LPP: variants seen among roughly 807,000 people sequenced by gnomAD.
LPP encodes the protein lipoma-preferred partner.
Under a neutral mutation model 60.4 loss-of-function variants are expected in LPP, and 38 were observed. The ratio of observed to expected loss-of-function variants is 0.63; its 90% CI spans 0.49 to 0.83. The LOEUF (loss-of-function observed/expected upper bound fraction) is 0.83, where lower values mean the gene tolerates loss of function less well. LPP is among the 40% of genes least tolerant of loss of function. The pLI is 0.00. For synonymous variants in LPP, 328 were observed against 290.8 expected, an observed-to-expected ratio of 1.13 and a Z score of -1.30; for missense variants, 902 against 783.6, an observed-to-expected ratio of 1.15 and a Z score of -1.80.
Position 188,264,749 on chromosome 3 carries a change from G to A in LPP, c.-67+39222G>A, listed in dbSNP as rs138966249. On this transcript the variant is annotated intron_variant, in intron 2 of 11. Transcript: ENST00000617246. Reference sequence around the variant, plus strand: ...CCTGGTCACTTCCCCACCCCTGTTCGCCACCCCCAAACACCTTTTTTCTTC... The same window carrying A: ...CCTGGTCACTTCCCCACCCCTGTTCACCACCCCCAAACACCTTTTTTCTTC... Among the ~76,000 whole-genome samples, 312 of 151,860 alleles carry A rather than the reference G, an allele frequency of 2.1e-3. 4 individuals carry two copies. The East Asian group carries it at 0.043, about 21-fold the overall frequency.
At chr3:188,520,103 T>C (rs6770605) in intron 5 of LPP, among the ~76,000 whole-genome samples, 100,232 of 152,012 alleles carry the variant, frequency 0.66, 36,005 homozygotes, top group East Asian at 0.82. Context: ...GCAGCACTTA[T>C]TATGATTTGT....
Position 188,878,171 on chromosome 3 carries a change from C to T in LPP, c.*3692C>T, listed in dbSNP as rs1337863560. 1.8e-5 allele frequency: 4 copies of T among 218,392 alleles called. No homozygotes were observed. The highest frequency in any genetic ancestry group is 2.8e-5 in the Non-Finnish European group (3 of 108,606). The allele number at this position is 218,392 out of a possible 1,614,324, so 13.5% of individuals were successfully genotyped here. A position where few individuals can be genotyped will look rare whatever the true frequency, so the allele number is the denominator to read the frequency against. On this transcript the variant is annotated 3_prime_UTR_variant, in exon 12 of 12. Transcript: ENST00000617246. ...TTAGTAAAAATCCTATTAATGTGAA[C>T]CAGCCAGGAATAACAGTGTTATTTC... is the stretch of plus-strand genomic sequence containing the variant.
intron 9 of LPP, among the ~76,000 whole-genome samples, chr3:188,825,156 T>C (rs1755045547): frequency 6.6e-6 from 1 of 152,164 alleles, no homozygotes; most frequent in Non-Finnish European, 1.5e-5. Flanking sequence ...CATCAATGAT[T>C]GTTTTTAAAT....
intron 1 of LPP, among the ~76,000 whole-genome samples, chr3:188,185,347 G>GCAAGTC (rs1300006892): frequency 6.6e-6 from 1 of 152,042 alleles, no homozygotes; most frequent in Non-Finnish European, 1.5e-5. Flanking sequence ...TCCAGTAAAT[G>GCAAGTC]CAAGTCAGGA....
intron 3 of LPP, among the ~76,000 whole-genome samples, chr3:188,378,711 C>T (rs1212862042): frequency 1.3e-5 from 2 of 152,132 alleles, no homozygotes; most frequent in African/African-American, 2.4e-5. Flanking sequence ...GTGCACTGCA[C>T]CCACTCTGCT....
chr3:188,422,872 C>T (rs961923181), intron 4 of LPP, among the ~76,000 whole-genome samples: 3 of 148,764 alleles, frequency 2.0e-5, no homozygotes, highest in Non-Finnish European at 4.4e-5. Flanking sequence ...GAAGAGGTTA[C>T]GCTAATGTTC....
At chr3:188,162,598 A>G (rs1718626569) in intron 1 of LPP, among the ~76,000 whole-genome samples, 1 of 152,206 alleles carries the variant, frequency 6.6e-6, no homozygotes, top group South Asian at 2.1e-4. Context: ...TAGGGAAAAC[A>G]AAGACCTATG....
chr3:188,839,992 A>G (rs1406052345), intron 9 of LPP, among the ~76,000 whole-genome samples: 2 of 152,208 alleles, frequency 1.3e-5, no homozygotes, highest in African/African-American at 2.4e-5. Flanking sequence ...CTTTACATAT[A>G]TGATATAAAA....
chr3:188,352,458 C>T lies in LPP; in HGVS notation c.-10+10739C>T, dbSNP rs1361687619. On this transcript the variant is annotated intron_variant, in intron 3 of 11. Coordinates refer to ENST00000617246, the MANE Select transcript of LPP (RefSeq NM_001375462.1). The surrounding 1 kb of genome is among the most constrained non-coding windows in gnomAD (Gnocchi z 4.4). ...TGTTGATGTGGTCACGTCAGTGCCT[C>T]TTCGGGAGCTGTGTGACTGGCGAGC... Among the ~76,000 whole-genome samples the T allele has an allele frequency of 6.6e-6, 1 of 152,200 alleles. No homozygotes were observed. The highest frequency in any genetic ancestry group is 1.9e-4 in the East Asian group (1 of 5,188).
chr3:188,161,024 C>A (rs941062081), intron 1 of LPP, among the ~76,000 whole-genome samples: 9 of 152,128 alleles, frequency 5.9e-5, no homozygotes, highest in African/African-American at 2.2e-4. Flanking sequence ...TGTATGTGCA[C>A]AGGCCTGAGG....
intron 2 of LPP, among the ~76,000 whole-genome samples, chr3:188,315,121 T>G (rs2150317615): frequency 6.6e-6 from 1 of 152,288 alleles, no homozygotes; most frequent in South Asian, 2.1e-4. Flanking sequence ...TTTATATCTA[T>G]TCTGTGATTA....
chr3:188,813,726 A>C (rs1030358959), intron 9 of LPP, among the ~76,000 whole-genome samples: 2 of 152,180 alleles, frequency 1.3e-5, no homozygotes, highest in African/African-American at 4.8e-5. Context: ...CACTTGAGCA[A>C]ATCTAGCATA....
rs911555734 is a variant in LPP, at chr3:188,887,931, G to A, written c.*13452G>A. 1 of 210,114 alleles carries A rather than the reference G, an allele frequency of 4.8e-6. No individual in the cohort carries two copies. The highest frequency in any genetic ancestry group is 9.7e-6 in the Non-Finnish European group (1 of 103,554). The allele number at this position is 210,114 out of a possible 1,614,324, so 13.0% of individuals were successfully genotyped here. A position where few individuals can be genotyped will look rare whatever the true frequency, so the allele number is the denominator to read the frequency against. On this transcript the variant is annotated 3_prime_UTR_variant, in exon 12 of 12. Transcript: ENST00000617246. ...CAGAATATTTCCCCTCTGAAAATCT[G>A]AATTATGCCCTCATTCTTTTTCAAG...
intron 6 of LPP, among the ~76,000 whole-genome samples, chr3:188,594,645 A>T (rs2151139484): frequency 6.6e-6 from 1 of 152,332 alleles, no homozygotes; most frequent in South Asian, 2.1e-4. Context: ...TGAAGTCTAA[A>T]TTTTGAGCCA....
intron 5 of LPP, among the ~76,000 whole-genome samples, chr3:188,514,230 G>GT (rs796702412): frequency 5.0e-4 from 75 of 151,482 alleles, no homozygotes; most frequent in African/African-American, 1.6e-3. Flanking sequence ...TCTTCTCATT[G>GT]TTTTTTTTCC....
intron 8 of LPP, chr3:188,709,477 C>T (rs1866170251): frequency 6.6e-6 from 1 of 152,340 alleles, no homozygotes; most frequent in African/African-American, 2.4e-5. Context: ...CTGCCTCAGC[C>T]TCCCGAGTAG....
At chr3:188,635,004 C>T (rs889027475) in intron 7 of LPP, among the ~76,000 whole-genome samples, 48 of 152,112 alleles carry the variant, frequency 3.2e-4, no homozygotes, top group Non-Finnish European at 3.2e-4. Context: ...ATTGTGCAGC[C>T]GTCCTTCTAG....
intron 2 of LPP, among the ~76,000 whole-genome samples, chr3:188,315,417 C>T (rs1432294048): frequency 1.4e-4 from 22 of 151,996 alleles, no homozygotes; most frequent in Admixed American, 1.3e-3. Context: ...ATACCTTCTA[C>T]TTTTTCTAGG....
At chr3:188,393,551 G>A (rs79890834) in intron 3 of LPP, among the ~76,000 whole-genome samples, 1,566 of 152,232 alleles carry the variant, frequency 0.01, 29 homozygotes, top group African/African-American at 0.036. Flanking sequence ...ATGAGTTATC[G>A]TCAAAACTGG....
Sources: gnomAD v4.1 joint callset for allele counts (sites outside exome capture counted in the v4.1 genomes callset) on GRCh38, gnomAD v4.1.1 for gene constraint, Gnocchi (gnomAD v3.1) non-coding constraint, MANE v1.5 for transcripts, NCBI Gene and HGNC (gene_info 2026-07-23, HGNC 2026-07-21) for gene names.